TOX3: variants seen among roughly 807,000 people sequenced by gnomAD.
TOX3 encodes the protein CAG trinucleotide repeat-containing gene F9 protein.
In TOX3, 22 loss-of-function variants were observed where a neutral mutation model predicts 64.3. The ratio of observed to expected loss-of-function variants is 0.34; its 90% confidence interval spans 0.24 to 0.49. TOX3 has a LOEUF of 0.49. Ranked by LOEUF, TOX3 falls within the 20% of genes least tolerant of loss-of-function variation. The pLI is 0.99. For synonymous variants in TOX3, 291 were observed against 273.6 expected (o/e 1.06, Z -0.63); for missense variants, 661 against 714.4 (o/e 0.93, Z 0.85).
chr16:52,512,622 A>G (rs781316334), intron 1 of TOX3, among the ~76,000 whole-genome samples: 13 of 152,344 alleles, frequency 8.5e-5, no homozygotes, highest in Non-Finnish European at 1.0e-4. Flanking sequence ...AGATGAAGGA[A>G]GTAAAATAAG....
intron 1 of TOX3, among the ~76,000 whole-genome samples, chr16:52,511,094 G>A (rs927247276): frequency 3.3e-5 from 5 of 152,082 alleles, no homozygotes; most frequent in African/African-American, 4.8e-5. Flanking sequence ...AGGGACTCCC[G>A]CAGGTCATGC....
intron 1 of TOX3, among the ~76,000 whole-genome samples, chr16:52,538,414 A>G (rs930767546): frequency 3.3e-5 from 5 of 152,164 alleles, no homozygotes; most frequent in African/African-American, 9.7e-5. Context: ...TAGCTGTAGA[A>G]ATTGCTGGAA....
At chr16:52,506,573 C>T (rs1400817611) in intron 1 of TOX3, among the ~76,000 whole-genome samples, 1 of 151,978 alleles carries the variant, frequency 6.6e-6, no homozygotes, top group Non-Finnish European at 1.5e-5. Context: ...GGAATAGAAC[C>T]CACAGAGTCA....
intron 3 of TOX3, among the ~76,000 whole-genome samples, chr16:52,453,730 T>G (rs1350696958): frequency 1.3e-5 from 2 of 152,148 alleles, no homozygotes; most frequent in Non-Finnish European, 2.9e-5. Context: ...CTCGATTGAC[T>G]CACCCCACAC....
intron 1 of TOX3, among the ~76,000 whole-genome samples, chr16:52,540,007 C>T (rs562887674): frequency 2.0e-5 from 3 of 152,116 alleles, no homozygotes; most frequent in Non-Finnish European, 2.9e-5. Context: ...CTACTCTTGC[C>T]GGGGCCTACA....
At chr16:52,464,234 T>A in intron 2 of TOX3, 46 bp from the exon 3 acceptor site, 3 of 1,395,856 alleles carry the variant, frequency 2.1e-6, no homozygotes, top group Non-Finnish European at 2.8e-6. Context: ...TGTTCCTATA[T>A]CTTATTCCTC....
At chr16:52,489,217 A>G (rs1596819711) in intron 1 of TOX3, among the ~76,000 whole-genome samples, 2 of 152,166 alleles carry the variant, frequency 1.3e-5, no homozygotes, top group Middle Eastern at 3.4e-3. Flanking sequence ...TCCTAGCAAA[A>G]TGTTCCAGTC....
At chr16:52,547,366 A>C (rs1346044752), upstream of TOX3, 6 of 105,810 alleles carry the variant, frequency 5.7e-5, no homozygotes, top group Non-Finnish European at 5.9e-5. Flanking sequence ...TCTTCTCCCT[A>C]CCTCGCCCCC....
chr16:52,439,624 T>C lies in TOX3; in HGVS notation c.1332A>G (p.Gln444=), dbSNP rs765123140. Residue 444 remains glutamine, a synonymous_variant, in exon 7 of 7, where the codon CAA becomes CAG. Transcript: ENST00000219746. ...GTTGCTGCTGCTGCTGCTGCTGCAA[T>C]TGCATCTGATGCTGCTGGGTTTGCA... ...PSVQTQQHQM[Q]LQQQQQQQQQ... The C allele has an allele frequency of 1.9e-6, 3 of 1,612,576 alleles. No homozygotes were observed. The highest frequency in any genetic ancestry group is 2.5e-6 in the Non-Finnish European group (3 of 1,178,940).
chr16:52,444,233 G>C, intron 6 of TOX3, 43 bp downstream of exon 6: 1 of 1,455,478 alleles, frequency 6.9e-7, no homozygotes, highest in Non-Finnish European at 9.3e-7. Context: ...TGTTTTCCAC[G>C]CTGTGACTAT....
chr16:52,515,367 A>G (rs1009365585), intron 1 of TOX3, among the ~76,000 whole-genome samples: 3 of 152,268 alleles, frequency 2.0e-5, no homozygotes, highest in Admixed American at 6.5e-5. Context: ...CATCTCCATG[A>G]AACTAAAAAG....
chr16:52,526,975 G>C (rs925037606), intron 1 of TOX3, among the ~76,000 whole-genome samples: 2 of 152,136 alleles, frequency 1.3e-5, no homozygotes, highest in African/African-American at 4.8e-5. Flanking sequence ...ACAGTGCTGG[G>C]CACTAAACAC....
At chr16:52,455,582 AAGAAAATAAAT>A (rs1474405441) in intron 3 of TOX3, among the ~76,000 whole-genome samples, 1 of 152,330 alleles carries the variant, frequency 6.6e-6, no homozygotes, top group East Asian at 1.9e-4. Context: ...AAATATTGGG[AAGAAAATAAAT>A]AGGTTATACA....
chr16:52,459,836 T>C (rs1237060286), intron 3 of TOX3, among the ~76,000 whole-genome samples: 1 of 152,108 alleles, frequency 6.6e-6, no homozygotes, highest in East Asian at 1.9e-4. Context: ...AGTATAAAAA[T>C]GGCATGAAAG....
chr16:52,503,387 C>T (rs937250524), intron 1 of TOX3, among the ~76,000 whole-genome samples: 1 of 152,194 alleles, frequency 6.6e-6, no homozygotes, highest in African/African-American at 2.4e-5. Flanking sequence ...CACAAGTGAA[C>T]ATGCATACAG....
rs368473200 is a variant in TOX3, at chr16:52,468,412, G to C, written c.153+97C>G. On this transcript the variant is annotated intron_variant, in intron 2 of 6. Coordinates refer to ENST00000219746, the MANE Select transcript of TOX3 (RefSeq NM_001080430.4). ...AGTAGTTACCTTGTGCCACATAAGA[G>C]AGAGATAAATTTGATACTTTGTTTT... 167 of 1,112,634 alleles carry C rather than the reference G, an allele frequency of 1.5e-4. 4 individuals are homozygous for C. The South Asian group carries it at 1.7e-3, about 11-fold the overall frequency. 68.9% of individuals were successfully genotyped at this position (1,112,634 alleles called of 1,614,324 possible).
intron 1 of TOX3, among the ~76,000 whole-genome samples, chr16:52,534,357 G>T (rs747326512): frequency 1.6e-4 from 24 of 152,154 alleles, no homozygotes; most frequent in Non-Finnish European, 3.4e-4. Flanking sequence ...TCAAAGGTTG[G>T]CTAGGTGCAG....
rs1959834614 is a variant in TOX3 at position 52,438,877 on chromosome 16, A to G, written c.*348T>C. 2 of 517,846 alleles carry G rather than the reference A, an allele frequency of 3.9e-6. No individual in the cohort carries two copies. The highest frequency in any genetic ancestry group is 7.6e-6 in the Non-Finnish European group (2 of 263,580). The allele number at this position is 517,846 out of a possible 1,614,324, so 32.1% of individuals were successfully genotyped here. ...TACTCACTTCTGGAGAAATAAGGCC[A>G]TTTTTCTATGACTCAGAGAGGCCAG... On this transcript the variant is annotated 3_prime_UTR_variant, in exon 7 of 7. Transcript: ENST00000219746.
At position 52,450,259 on chromosome 16, in the gene TOX3, AAGGC is replaced by A. The variant is rs1305818096; in HGVS notation, c.678+14_678+17del. The A allele has an allele frequency of 6.2e-7, 1 of 1,613,740 alleles. No homozygotes were observed. Among genetic ancestry groups the A allele is most frequent in the Non-Finnish European group, 8.5e-7 (1 of 1,179,752 alleles). ...CATATTCTCTGGCAGGTTACACACT[AAGGC>A]AGTTCTAACTTACTCTGTTGGCTTC... On this transcript the variant is annotated intron_variant, in intron 4 of 6. Coordinates refer to ENST00000219746, the MANE Select transcript of TOX3 (RefSeq NM_001080430.4).
Sources: gnomAD v4.1 joint callset for allele counts (sites outside exome capture counted in the v4.1 genomes callset) on GRCh38, gnomAD v4.1.1 for gene constraint, MANE v1.5 for transcripts, NCBI Gene and HGNC (gene_info 2026-07-23, HGNC 2026-07-21) for gene names.